The following PLD5 variants were observed in gnomAD, a reference collection of about 807,000 sequenced individuals.
PLD5 encodes phospholipase D family member 5, also known as inactive phospholipase D5.
PLD5 carries 36 observed loss-of-function variants against 61.1 expected under a neutral mutation model. That is an observed-to-expected ratio of 0.59 (90% CI 0.45 to 0.78). PLD5 has a LOEUF of 0.78. Ranked by LOEUF, PLD5 falls within the 30% of genes least tolerant of loss-of-function variation. PLD5 has a pLI of 0.00. For synonymous variants in PLD5, 243 were observed against 242.8 expected (o/e 1.00, Z -0.01); for missense variants, 515 against 644.4 (o/e 0.80, Z 2.17).
At chr1:242,459,521 C>T (rs1252735071) in intron 1 of PLD5, among the ~76,000 whole-genome samples, 5 of 152,102 alleles carry the variant, frequency 3.3e-5, no homozygotes, top group Non-Finnish European at 4.4e-5. Context: ...TTGTGATCAG[C>T]GCCAAGCTAT....
At chr1:242,441,723 C>A (rs1478290449) in intron 1 of PLD5, among the ~76,000 whole-genome samples, 31 of 151,930 alleles carry the variant, frequency 2.0e-4, no homozygotes, top group Admixed American at 2.0e-3. Context: ...CACAGTGGGC[C>A]ATCCTAGGCA....
chr1:242,123,977 A>T (rs1662584683), intron 6 of PLD5, among the ~76,000 whole-genome samples: 1 of 152,184 alleles, frequency 6.6e-6, no homozygotes. Context: ...CCAACCAGGT[A>T]CAGCAGCTCT....
At chr1:242,343,284 G>A (rs71535385) in intron 2 of PLD5, among the ~76,000 whole-genome samples, 133,489 of 151,870 alleles carry the variant, frequency 0.88, 59,164 homozygotes, top group Non-Finnish European at 0.94. Flanking sequence ...GTTGAACTGC[G>A]TAAGCAGCAC....
At chr1:242,241,887 A>ATATATATATATATATACTTACTG in intron 4 of PLD5, among the ~76,000 whole-genome samples, 2 of 33,636 alleles carry the variant, frequency 5.9e-5, no homozygotes, top group African/African-American at 2.2e-4. Flanking sequence ...ATATATATAT[A>ATATATATATATATATACTTACTG]TATATATATA....
At chr1:242,194,247 A>G (rs892174700) in intron 5 of PLD5, among the ~76,000 whole-genome samples, 1 of 152,146 alleles carries the variant, frequency 6.6e-6, no homozygotes, top group African/African-American at 2.4e-5. Context: ...ACAAGTTTTT[A>G]GGTATCTATT....
chr1:242,482,120 G>A (rs1213897279), intron 1 of PLD5, among the ~76,000 whole-genome samples: 1 of 152,192 alleles, frequency 6.6e-6, no homozygotes, highest in Non-Finnish European at 1.5e-5. Context: ...AAACAGAGCA[G>A]AAAAACTGAA....
intron 9 of PLD5, among the ~76,000 whole-genome samples, chr1:242,098,350 T>C (rs1233441840): frequency 6.6e-6 from 1 of 152,242 alleles, no homozygotes; most frequent in Non-Finnish European, 1.5e-5. Flanking sequence ...GTTGATCGAA[T>C]CGGCTACTGA....
At chr1:242,322,520 T>G (rs1574730543) in intron 2 of PLD5, among the ~76,000 whole-genome samples, 1 of 152,226 alleles carries the variant, frequency 6.6e-6, no homozygotes, top group African/African-American at 2.4e-5. Flanking sequence ...ATCAGCTATA[T>G]ATCTATGTGA....
In PLD5 at chr1:242,487,080, A is replaced by T. The variant is rs148662110; in HGVS notation, c.189+37008T>A. Among the ~76,000 whole-genome samples the T allele has an allele frequency of 8.3e-3, 1,250 of 151,384 alleles. 19 individuals are homozygous for T. The highest frequency in any genetic ancestry group is 0.029 in the African/African-American group (1,194 of 41,440). On this transcript the variant is annotated intron_variant, in intron 1 of 9. Transcript: ENST00000536534. ...CTGTTGTGGGGTGGCAGCAGGGGGG[A>T]GGGATAGCATTAGGAGATATACTTA...
At chr1:242,346,895 G>A (rs1660169108) in intron 2 of PLD5, among the ~76,000 whole-genome samples, 1 of 152,192 alleles carries the variant, frequency 6.6e-6, no homozygotes, top group Non-Finnish European at 1.5e-5. Context: ...TTATAAGTCA[G>A]AACATGCAGT....
At chr1:242,344,225 C>T (rs1660002992) in intron 2 of PLD5, among the ~76,000 whole-genome samples, 1 of 152,196 alleles carries the variant, frequency 6.6e-6, no homozygotes, top group South Asian at 2.1e-4. Flanking sequence ...TAACCAATTA[C>T]ATAGGATGTC....
chr1:242,459,703 C>T (rs1195507894), intron 1 of PLD5, among the ~76,000 whole-genome samples: 2 of 152,126 alleles, frequency 1.3e-5, no homozygotes, highest in Non-Finnish European at 2.9e-5. Flanking sequence ...GCCAACAGCG[C>T]GTGATGTGCT....
chr1:242,465,018 T>A (rs1325291250), intron 1 of PLD5, among the ~76,000 whole-genome samples: 1 of 152,210 alleles, frequency 6.6e-6, no homozygotes, highest in Non-Finnish European at 1.5e-5. Flanking sequence ...GGCAGGTGAC[T>A]CTTTCTGGGT....
At chr1:242,487,214 TA>T (rs533469872) in intron 1 of PLD5, among the ~76,000 whole-genome samples, 2 of 151,034 alleles carry the variant, frequency 1.3e-5, no homozygotes, top group Admixed American at 6.6e-5. Context: ...AGTATATATA[TA>T]AAAAAAAGTG....
At chr1:242,379,626 A>C (rs1662168940) in intron 1 of PLD5, among the ~76,000 whole-genome samples, 1 of 152,196 alleles carries the variant, frequency 6.6e-6, no homozygotes, top group African/African-American at 2.4e-5. Context: ...CTTTAAAAAA[A>C]AAAACTTTGA....
intron 4 of PLD5, among the ~76,000 whole-genome samples, chr1:242,222,072 G>A (rs963303189): frequency 2.6e-5 from 4 of 151,964 alleles, no homozygotes; most frequent in Admixed American, 1.3e-4. Context: ...GAGGTTTCTC[G>A]GCTTGTAACT....
intron 1 of PLD5, among the ~76,000 whole-genome samples, chr1:242,358,510 C>T (rs2149233358): frequency 6.6e-6 from 1 of 152,072 alleles, no homozygotes; most frequent in East Asian, 1.9e-4. Flanking sequence ...TGCCTTTTCT[C>T]TGAATTTGGG....
chr1:242,297,410 T>A (rs1405290561), intron 2 of PLD5, among the ~76,000 whole-genome samples: 18 of 148,386 alleles, frequency 1.2e-4, no homozygotes, highest in Admixed American at 2.7e-4. Flanking sequence ...AGACTTTTTT[T>A]TTTTTTTTTT....
chr1:242,326,396 C>T (rs1658786006), intron 2 of PLD5, among the ~76,000 whole-genome samples: 1 of 152,124 alleles, frequency 6.6e-6, no homozygotes. Context: ...AACACGGGGT[C>T]ATGCTACAGT....
Sources: allele counts gnomAD v4.1 joint callset (sites outside exome capture counted in the v4.1 genomes callset), GRCh38; gene constraint gnomAD v4.1.1; transcripts MANE v1.5; gene names NCBI Gene and HGNC (gene_info 2026-07-23, HGNC 2026-07-21).